The following STK31 variants were observed in gnomAD, a reference collection of about 807,000 sequenced individuals.
STK31 encodes serine/threonine kinase 31, also known as serine/threonine-protein kinase 31.
STK31 carries 89 observed loss-of-function variants against 129.7 expected under a neutral mutation model. The observed-to-expected ratio is 0.69, with a 90% CI of 0.58 to 0.82. The LOEUF (loss-of-function observed/expected upper bound fraction) is 0.82, where lower values mean the gene tolerates loss of function less well. Among genes scored for constraint, STK31 ranks in the 40% least tolerant of loss-of-function variants. STK31 has a pLI of 0.00. For synonymous variants in STK31, 448 were observed against 395.3 expected (o/e 1.13, Z -1.58); for missense variants, 1,187 against 1,176.4 (o/e 1.01, Z -0.13).
chr7:23,719,754 T>A (rs961662222), intron 4 of STK31, among the ~76,000 whole-genome samples: 3 of 152,152 alleles, frequency 2.0e-5, no homozygotes, highest in African/African-American at 7.2e-5. Context: ...GACAATTTCA[T>A]GCTTAGATGA....
intron 1 of STK31, chr7:23,710,791 A>T (rs1335286189): frequency 2.0e-6 from 2 of 1,014,110 alleles, no homozygotes; most frequent in African/African-American, 3.4e-5. Flanking sequence ...TTAAAATAAG[A>T]TTTAAAAACT....
rs760298749 is a variant in STK31, at chr7:23,710,310, A to G, written c.25A>G (p.Arg9Gly). 1 of 1,612,712 alleles carries G rather than the reference A, an allele frequency of 6.2e-7. No homozygotes were observed. The highest frequency in any genetic ancestry group is 1.1e-5 in the South Asian group (1 of 90,734). ...TATGTGGGTCCAGGGTCACTCTTCT[A>G]GAGCTTCCGCAACGGAAAGTGTGAG... MWVQGHSS[R>G]ASATESVSFS... The change falls in exon 1 of 24, where the codon AGA (arginine) becomes GGA (glycine). Residue 9 changes from arginine (R) to glycine (G), a missense_variant. By Grantham distance (125) the Arg-to-Gly change is moderately radical. Transcript: ENST00000355870.
At chr7:23,777,033 A>G (rs1169577474) in intron 15 of STK31, among the ~76,000 whole-genome samples, 1 of 152,108 alleles carries the variant, frequency 6.6e-6, no homozygotes. Context: ...CTTTGTTCTC[A>G]TTGGTTTCAA....
chr7:23,743,700 G>C (rs1303344320), intron 8 of STK31, among the ~76,000 whole-genome samples: 2 of 151,950 alleles, frequency 1.3e-5, no homozygotes, highest in African/African-American at 2.4e-5. Flanking sequence ...GAAGTTTTCA[G>C]CTATTTTATT....
At chr7:23,789,210 A>G (rs1448543107) in intron 21 of STK31, among the ~76,000 whole-genome samples, 3 of 122,756 alleles carry the variant, frequency 2.4e-5, no homozygotes, top group Non-Finnish European at 5.5e-5. Flanking sequence ...CAGTTGCTGG[A>G]CATTTGGTTG....
At chr7:23,802,240 G>A (rs1214283761) in intron 22 of STK31, among the ~76,000 whole-genome samples, 2 of 152,120 alleles carry the variant, frequency 1.3e-5, no homozygotes, top group African/African-American at 2.4e-5. Flanking sequence ...GCATTCCAGG[G>A]TTGTTTGCTG....
chr7:23,829,027 A>G (rs1007278020), intron 23 of STK31, among the ~76,000 whole-genome samples: 3 of 151,522 alleles, frequency 2.0e-5, no homozygotes, highest in African/African-American at 4.8e-5. Context: ...AGCCTTGCCA[A>G]GTAGCTGGGA....
At chr7:23,792,396 A>T (rs1159556742) in intron 22 of STK31, among the ~76,000 whole-genome samples, 1 of 152,194 alleles carries the variant, frequency 6.6e-6, no homozygotes, top group Non-Finnish European at 1.5e-5. Context: ...TGTAGGGGTA[A>T]ATTTAGTAAA....
chr7:23,727,301 A>G lies in STK31; in HGVS notation c.310A>G (p.Ile104Val), dbSNP rs1393677619. ...GTACAGATGCAAAGTACTGAAAATC[A>G]TCAGCGTTGAAAAGGCAGGAAATTA... is the stretch of plus-strand genomic sequence containing the variant. ...CWYRCKVLKIISVEKCLVRYI... is the reference protein window; with the variant it reads ...CWYRCKVLKIVSVEKCLVRYI... Residue 104 changes from isoleucine (I) to valine (V), a missense_variant, in exon 5 of 24, where the codon ATC (isoleucine) becomes GTC (valine). Physicochemically the swap from Ile to Val is conservative, Grantham distance 29. Transcript: ENST00000355870. 1 of 1,613,476 alleles carries G rather than the reference A, an allele frequency of 6.2e-7. No homozygotes were observed. Among genetic ancestry groups the G allele is most frequent in the Non-Finnish European group, 8.5e-7 (1 of 1,179,738 alleles).
chr7:23,735,968 C>T, intron 7 of STK31, 72 bp downstream of exon 7: 2 of 1,300,478 alleles, frequency 1.5e-6, no homozygotes, highest in Non-Finnish European at 2.1e-6. Flanking sequence ...GAAGTTAAGG[C>T]TTATGCTTTT....
At chr7:23,795,074 C>T (rs2128116836) in intron 22 of STK31, among the ~76,000 whole-genome samples, 1 of 152,318 alleles carries the variant, frequency 6.6e-6, no homozygotes, top group South Asian at 2.1e-4. Context: ...GAATGTTAAT[C>T]GCTAGGACAA....
At chr7:23,799,068 A>C (rs1021581547) in intron 22 of STK31, among the ~76,000 whole-genome samples, 1 of 152,074 alleles carries the variant, frequency 6.6e-6, no homozygotes, top group Non-Finnish European at 1.5e-5. Flanking sequence ...AAGAATTACA[A>C]ACCACTGCTC....
At chr7:23,814,164 T>TTTTTTTTTC (rs1793329403) in intron 22 of STK31, among the ~76,000 whole-genome samples, 1 of 146,920 alleles carries the variant, frequency 6.8e-6, no homozygotes, top group African/African-American at 2.5e-5. Flanking sequence ...TTTTTTTTTT[T>TTTTTTTTTC]CAGTTGGGAG....
chr7:23,718,268 C>G (rs1786470630), intron 4 of STK31, among the ~76,000 whole-genome samples: 2 of 152,162 alleles, frequency 1.3e-5, no homozygotes. Context: ...AGATTCCTTG[C>G]ATTTGACTTT....
chr7:23,760,573 T>C (rs1431511416), intron 10 of STK31, among the ~76,000 whole-genome samples: 1 of 152,204 alleles, frequency 6.6e-6, no homozygotes, highest in Admixed American at 6.5e-5. Context: ...AATGGGCATA[T>C]TTGCTCCCAT....
intron 11 of STK31, among the ~76,000 whole-genome samples, chr7:23,766,980 C>T (rs1789866684): frequency 6.6e-6 from 1 of 152,136 alleles, no homozygotes; most frequent in African/African-American, 2.4e-5. Flanking sequence ...ATGAATTAAT[C>T]CTCTAGCTGT....
intron 23 of STK31, among the ~76,000 whole-genome samples, chr7:23,828,088 G>A (rs903798297): frequency 6.6e-6 from 1 of 152,200 alleles, no homozygotes; most frequent in East Asian, 1.9e-4. Context: ...ATCTCCAGCT[G>A]TGTGCTGGGA....
intron 23 of STK31, among the ~76,000 whole-genome samples, chr7:23,819,317 G>A (rs1016551362): frequency 1.3e-5 from 2 of 151,982 alleles, no homozygotes; most frequent in Non-Finnish European, 2.9e-5. Flanking sequence ...TTCAGATACT[G>A]TTTTTTGCTA....
At chr7:23,831,579 T>TG (rs1211958597) in intron 23 of STK31, among the ~76,000 whole-genome samples, 1 of 152,244 alleles carries the variant, frequency 6.6e-6, no homozygotes, top group Admixed American at 6.5e-5. Flanking sequence ...AGGCTGTCAT[T>TG]GATACATGCA....
Sources: gnomAD v4.1 joint callset for allele counts (sites outside exome capture counted in the v4.1 genomes callset) on GRCh38, gnomAD v4.1.1 for gene constraint, MANE v1.5 for transcripts, NCBI Gene and HGNC (gene_info 2026-07-23, HGNC 2026-07-21) for gene names.